Variants in TNRC6A observed in about 807,000 individuals in gnomAD.
TNRC6A encodes trinucleotide repeat-containing gene 6A protein.
Under a neutral mutation model 221.2 loss-of-function variants are expected in TNRC6A, and 44 were observed. That is an observed-to-expected ratio of 0.20 (90% CI 0.16 to 0.26). The LOEUF (loss-of-function observed/expected upper bound fraction) is 0.26, where lower values mean the gene tolerates loss of function less well. Among genes scored for constraint, TNRC6A ranks in the 10% least tolerant of loss-of-function variants. The pLI, the probability that TNRC6A is intolerant of heterozygous loss-of-function variation, is 1.00. For synonymous variants in TNRC6A, 847 were observed against 838.5 expected (o/e 1.01, Z -0.18); for missense variants, 2,199 against 2,404.4 (o/e 0.91, Z 1.79).
intron 17 of TNRC6A, among the ~76,000 whole-genome samples, chr16:24,809,144 T>C (rs1168782068): frequency 6.6e-6 from 1 of 152,246 alleles, no homozygotes; most frequent in Non-Finnish European, 1.5e-5. Context: ...TTAAAACTTT[T>C]CTCCCTCTTA....
chr16:24,800,898 A>G (rs962218099), intron 11 of TNRC6A, among the ~76,000 whole-genome samples: 2 of 152,312 alleles, frequency 1.3e-5, no homozygotes, highest in East Asian at 3.9e-4. Flanking sequence ...CTGTCTCTCG[A>G]GCTCCCTCTT....
At chr16:24,701,012 G>A (rs891489732) in intron 2 of TNRC6A, among the ~76,000 whole-genome samples, 4 of 152,210 alleles carry the variant, frequency 2.6e-5, no homozygotes, top group Non-Finnish European at 5.9e-5. Context: ...AAAGTATAAG[G>A]CCCAGAACCA....
intron 4 of TNRC6A, among the ~76,000 whole-genome samples, chr16:24,770,041 T>C (rs1421647542): frequency 1.3e-5 from 2 of 152,166 alleles, no homozygotes; most frequent in Non-Finnish European, 2.9e-5. Context: ...AGGAGGGCAA[T>C]CTGGTTGTCA....
In TNRC6A at chr16:24,669,941, C is replaced by CTTTTTTTTTTTTTTTTTTTTTTTTT. The variant is rs535737725; in HGVS notation, n.402+28935_402+28959dup. 1.4e-3 allele frequency among the ~76,000 whole-genome samples: 37 copies of CTTTTTTTTTTTTTTTTTTTTTTTTT among 27,188 alleles called. 15 individuals carry two copies. The highest frequency in any genetic ancestry group is 1.9e-3 in the Non-Finnish European group (29 of 15,102). 17.8% of individuals were successfully genotyped at this position (27,188 alleles called of 152,430 possible). On this transcript the variant is annotated intron_variant and non_coding_transcript_variant, in intron 2 of 2. Transcript: ENST00000566108. The stretch of plus-strand genomic sequence containing the variant: ...TCGTTATGACCCTATGAGGCAGCTA[C>CTTTTTTTTTTTTTTTTTTTTTTTTT]TTTTTTTTTTTTTTTTTTTTTTTTT...
intron 5 of TNRC6A, among the ~76,000 whole-genome samples, chr16:24,780,087 C>T (rs1221642951): frequency 1.3e-5 from 2 of 152,152 alleles, no homozygotes; most frequent in Non-Finnish European, 2.9e-5. Context: ...GGGGGGATGA[C>T]TAGGCTCAAC....
chr16:24,677,732 C>T (rs1459202663), intron 2 of TNRC6A, among the ~76,000 whole-genome samples: 1 of 152,130 alleles, frequency 6.6e-6, no homozygotes, highest in Non-Finnish European at 1.5e-5. Flanking sequence ...TCTTGTTCCC[C>T]CTTTTATCCT....
At chr16:24,623,190 T>TTACTTACTTAC (rs1567305064) in intron 1 of TNRC6A, among the ~76,000 whole-genome samples, 2 of 147,896 alleles carry the variant, frequency 1.4e-5, no homozygotes, top group African/African-American at 5.0e-5. Flanking sequence ...TATTTATTTA[T>TTACTTACTTAC]TTACTTATTT....
chr16:24,690,015 AAAAAAAAAAAAAT>A (rs2055722219), intron 2 of TNRC6A, among the ~76,000 whole-genome samples: 1 of 75,768 alleles, frequency 1.3e-5, no homozygotes, highest in African/African-American at 7.1e-5. Flanking sequence ...AAAAAAAAAA[AAAAAAAAAAAAAT>A]TTTTTTTTTT....
chr16:24,654,476 G>A (rs866417113), intron 2 of TNRC6A, among the ~76,000 whole-genome samples: 4 of 152,094 alleles, frequency 2.6e-5, no homozygotes, highest in Admixed American at 1.3e-4. Context: ...AAGCCAAGGC[G>A]GGCGGATCAC....
intron 12 of TNRC6A, 93 bp downstream of exon 12, chr16:24,804,412 T>A: frequency 7.1e-7 from 1 of 1,415,278 alleles, no homozygotes; most frequent in Non-Finnish European, 9.5e-7. Context: ...TTATATAATA[T>A]AAAGTGTTAC....
Position 24,658,642 on chromosome 16 carries a change from G to C in TNRC6A, n.402+17633G>C, listed in dbSNP as rs1455327858. On this transcript the variant is annotated intron_variant and non_coding_transcript_variant, in intron 2 of 2. Transcript: ENST00000566108. ...CAAAGTGCTGGGATTACAGGTATGA[G>C]CCACAGAGCCCCACCCACCCTGTTT... 5.3e-5 allele frequency among the ~76,000 whole-genome samples: 8 copies of C among 151,856 alleles called. No homozygotes were observed. The South Asian group carries it at 1.0e-3, about 20-fold the overall frequency.
chr16:24,764,756 A>G (rs923947420), intron 4 of TNRC6A, among the ~76,000 whole-genome samples: 3 of 152,198 alleles, frequency 2.0e-5, no homozygotes, highest in Non-Finnish European at 2.9e-5. Context: ...GGTATACAGT[A>G]ATCCCCCTGT....
chr16:24,739,903 T>A (rs953778578), intron 2 of TNRC6A, among the ~76,000 whole-genome samples: 1 of 152,220 alleles, frequency 6.6e-6, no homozygotes, highest in Non-Finnish European at 1.5e-5. Context: ...AAAGATTTAC[T>A]TGTATTCTAA....
intron 1 of TNRC6A, among the ~76,000 whole-genome samples, chr16:24,626,236 G>T (rs1456258246): frequency 6.6e-6 from 1 of 151,812 alleles, no homozygotes; most frequent in African/African-American, 2.4e-5. Flanking sequence ...GTGCCACCAG[G>T]TTTCAGAATC....
At position 24,729,675 on chromosome 16, in the gene TNRC6A, GCGGCGGTGT is replaced by G. The variant is rs1232029763; in HGVS notation, c.-160_-152del. ...CACTTCCGGTCTGGGGCCTGCGGCG[GCGGCGGTGT>G]CGGCGGCGGCGGCGGCGGCGGCGGC... On this transcript the variant is annotated 5_prime_UTR_variant, in exon 1 of 25. Coordinates refer to ENST00000395799, the MANE Select transcript of TNRC6A (RefSeq NM_014494.4). The G allele has an allele frequency of 1.2e-4, 85 of 696,926 alleles. No homozygotes were observed. The highest frequency in any genetic ancestry group is 1.6e-4 in the Non-Finnish European group (81 of 507,498). 43.2% of individuals were successfully genotyped at this position (696,926 alleles called of 1,614,324 possible).
In TNRC6A at chr16:24,789,503, T is replaced by C. The variant is rs2058049246; in HGVS notation, c.861T>C (p.Thr287=). ...GGEKDGLRNS[T]GLGSQNKFVV... is the part of the protein sequence containing the mutation. The stretch of plus-strand genomic sequence containing the variant: ...AAAAAGATGGCCTTCGGAATAGCAC[T>C]GGACTTGGTTCCCAAAACAAGTTTG... The change falls in exon 6 of 25, where the codon ACT becomes ACC. Residue 287 remains threonine, a synonymous_variant. Transcript: ENST00000395799. The C allele has an allele frequency of 6.2e-7, 1 of 1,614,186 alleles. No individual in the cohort carries two copies. The highest frequency in any genetic ancestry group is 1.7e-5 in the Admixed American group (1 of 60,014).
rs1181565151 is a variant in TNRC6A at position 24,823,533 on chromosome 16, G to T, written c.5615G>T (p.Trp1872Leu). The T allele has an allele frequency of 6.2e-7, 1 of 1,614,200 alleles. No homozygotes were observed. The change falls in exon 25 of 25, where the codon TGG becomes TTG. Residue 1872 changes from tryptophan to leucine, a missense_variant. Physicochemically the swap from Trp to Leu is moderately conservative, Grantham distance 61. This residue lies in a region of TNRC6A where 130 missense variants were observed against 121.7 expected (regional missense o/e 1.07). Transcript: ENST00000395799. This position sits in a 1 kb window ranked among gnomAD's most constrained non-coding sequence, Gnocchi z 4.3. ...QSQSLTPSPG[W>L]QSLGSSQSRL... ...CAGTCTCTGACCCCTTCTCCCGGCTGGCAGTCTCTCGGGTCCAGCCAGAGC... is the reference window on the plus strand; with the variant it reads ...CAGTCTCTGACCCCTTCTCCCGGCTTGCAGTCTCTCGGGTCCAGCCAGAGC...
At chr16:24,776,463 G>A (rs1232036692) in intron 4 of TNRC6A, 1 of 984,892 alleles carries the variant, frequency 1.0e-6, no homozygotes, top group African/African-American at 1.7e-5. Flanking sequence ...CTAACCTTGT[G>A]TTGTTCTTGT....
intron 1 of TNRC6A, among the ~76,000 whole-genome samples, chr16:24,618,360 T>C (rs1236790185): frequency 6.6e-6 from 1 of 152,228 alleles, no homozygotes; most frequent in Non-Finnish European, 1.5e-5. Context: ...AACAGTACCC[T>C]ACTCCTGGTA....
Sources: gnomAD v4.1 joint callset for allele counts (sites outside exome capture counted in the v4.1 genomes callset) on GRCh38, gnomAD v4.1.1 for gene constraint, gnomAD v4.1.1 regional missense constraint, Gnocchi (gnomAD v3.1) non-coding constraint, MANE v1.5 for transcripts, NCBI Gene and HGNC (gene_info 2026-07-23, HGNC 2026-07-21) for gene names.